Variants in CCT2 observed in about 807,000 individuals in gnomAD.
The protein encoded by CCT2 is chaperonin containing TCP1 subunit 2.
Under a neutral mutation model 61.8 loss-of-function variants are expected in CCT2, and 18 were observed. That is an observed-to-expected ratio of 0.29 (90% CI 0.20 to 0.43). The LOEUF (loss-of-function observed/expected upper bound fraction) is 0.43. Among genes scored for constraint, CCT2 ranks in the 20% least tolerant of loss-of-function variants. The pLI, the probability that CCT2 is intolerant of heterozygous loss-of-function variation, is 1.00. For synonymous variants in CCT2, 248 were observed against 215.9 expected (o/e 1.15, Z -1.30); for missense variants, 556 against 656.9 (o/e 0.85, Z 1.68).
At chr12:69,595,862 C>CAGTGGTTG (rs1320551615) in intron 10 of CCT2, among the ~76,000 whole-genome samples, 43 of 152,210 alleles carry the variant, frequency 2.8e-4, no homozygotes, top group African/African-American at 7.9e-4. Flanking sequence ...CTTAAAAGCT[C>CAGTGGTTG]AGTGGTTGTC....
At chr12:69,591,108 T>A (rs757761790) in intron 7 of CCT2, among the ~76,000 whole-genome samples, 1 of 152,194 alleles carries the variant, frequency 6.6e-6, no homozygotes, top group Non-Finnish European at 1.5e-5. Context: ...TTCTTGAATG[T>A]CTGCTCTGTA....
intron 1 of CCT2, 187 bp downstream of exon 1, chr12:69,585,711 G>C: frequency 6.8e-7 from 1 of 1,480,218 alleles, no homozygotes; most frequent in South Asian, 1.3e-5. Flanking sequence ...ACCACGAGGG[G>C]GAGGGGTGGA....
chr12:69,585,998 T>C, intron 1 of CCT2: 1 of 1,343,674 alleles, frequency 7.4e-7, no homozygotes, highest in Non-Finnish European at 9.5e-7. Context: ...CAAGATCGTC[T>C]TTAGTCTCGC....
chr12:69,587,031 A>C, intron 3 of CCT2: 2 of 435,500 alleles, frequency 4.6e-6, no homozygotes, highest in Non-Finnish European at 8.1e-6. Flanking sequence ...ATTTGCACGT[A>C]CATCTTCTAA....
intron 1 of CCT2, chr12:69,585,997 C>T (rs1881639976): frequency 7.4e-7 from 1 of 1,342,594 alleles, no homozygotes; most frequent in Non-Finnish European, 9.6e-7. Flanking sequence ...TCAAGATCGT[C>T]TTTAGTCTCG....
chr12:69,601,019 G>A (rs898294793), intron 15 of CCT2, among the ~76,000 whole-genome samples: 4 of 152,088 alleles, frequency 2.6e-5, no homozygotes, highest in African/African-American at 9.7e-5. Flanking sequence ...GGCTAGCTCA[G>A]GTCTGTCTTC....
intron 10 of CCT2, among the ~76,000 whole-genome samples, chr12:69,594,847 A>T (rs776213): frequency 1.7e-4 from 11 of 65,492 alleles, no homozygotes; most frequent in African/African-American, 5.6e-5. Flanking sequence ...CCCTGTCTTT[A>T]AAAAAAAAAA....
Position 69,585,507 on chromosome 12 carries a change from G to T in CCT2, c.-15G>T. The stretch of plus-strand genomic sequence containing the variant: ...CTGTGAGGGGATTCACTTGTGTGCG[G>T]AACTCCTCGGAACCATGGTGAGCCT... On this transcript the variant is annotated 5_prime_UTR_variant, in exon 1 of 16. Transcript: ENST00000299300. 4 of 1,566,050 alleles carry T rather than the reference G, an allele frequency of 2.6e-6. No individual in the cohort carries two copies. Among genetic ancestry groups the T allele is most frequent in the Non-Finnish European group, 3.5e-6 (4 of 1,154,398 alleles).
At chr12:69,588,531 A>G (rs1881735394) in intron 6 of CCT2, 2 of 274,942 alleles carry the variant, frequency 7.3e-6, no homozygotes, top group Non-Finnish European at 1.4e-5. Context: ...TTTTTAACCT[A>G]GTTAAATATT....
At chr12:69,593,442 TTTTTAG>T in intron 9 of CCT2, 62 bp from the exon 10 acceptor site, 1 of 1,016,274 alleles carries the variant, frequency 9.8e-7, no homozygotes, top group Non-Finnish European at 1.5e-6. Context: ...GTTTACATGT[TTTTTAG>T]TCTAATGTAG....
chr12:69,601,482 T>A lies in CCT2; in HGVS notation c.*157T>A. 1.3e-6 allele frequency: 2 copies of A among 1,504,722 alleles called. No individual in the cohort carries two copies. The highest frequency in any genetic ancestry group is 1.4e-5 in the African/African-American group (1 of 71,042). 93.2% of individuals were successfully genotyped at this position (1,504,722 alleles called of 1,614,324 possible). ...CCTTCGCTTTAACATAGGTCTAATT[T>A]ATTTGCCGTGTCATTTTCCATACAA... On this transcript the variant is annotated 3_prime_UTR_variant, in exon 16 of 16. Transcript: ENST00000299300.
chr12:69,594,338 C>T (rs1023472241), intron 10 of CCT2, among the ~76,000 whole-genome samples: 4 of 152,098 alleles, frequency 2.6e-5, no homozygotes, highest in African/African-American at 9.7e-5. Context: ...CTTTATTGAA[C>T]ATTTACTGTG....
chr12:69,586,979 TC>T (rs1881683854), intron 3 of CCT2, 161 bp downstream of exon 3: 1 of 505,136 alleles, frequency 2.0e-6, no homozygotes, highest in African/African-American at 2.0e-5. Context: ...AGAATCACCA[TC>T]CCCAATCCCA....
rs529881491 is a variant in CCT2, at chr12:69,592,106, G to C, written c.697G>C (p.Glu233Gln). 21 of 1,601,362 alleles carry C rather than the reference G, an allele frequency of 1.3e-5. No homozygotes were observed. The Admixed American group carries it at 3.2e-4, about 24-fold the overall frequency. Residue 233 changes from glutamate (E) to glutamine (Q), a missense_variant, in exon 8 of 16, where the codon GAA becomes CAA. Around this residue, in one of 3 missense-constraint regions of CCT2, gnomAD observed 308 missense variants for 350.6 expected, o/e 0.88. Coordinates refer to ENST00000299300, the MANE Select transcript of CCT2 (RefSeq NM_006431.3). ...KIGVNQPKRI[E>Q]NAKILIANTG... ...TGGAGTAAATCAACCAAAACGAATT[G>C]AAAATGCTAAAATTCTTATTGCAAA...
intron 7 of CCT2, 178 bp downstream of exon 7, chr12:69,589,865 A>G (rs548308041): frequency 3.4e-6 from 2 of 596,628 alleles, no homozygotes; most frequent in South Asian, 4.1e-5. Flanking sequence ...TTCCCGCGCT[A>G]TTCCAGCATT....
intron 1 of CCT2, chr12:69,585,843 G>C (rs1001295115): frequency 4.6e-6 from 6 of 1,314,690 alleles, no homozygotes; most frequent in Non-Finnish European, 5.8e-6. Flanking sequence ...TTCTAGGGGC[G>C]GAGCCTGGAG....
intron 6 of CCT2, 112 bp downstream of exon 6, chr12:69,588,374 C>T (rs1881729241): frequency 1.4e-6 from 1 of 738,164 alleles, no homozygotes; most frequent in Non-Finnish European, 2.3e-6. Flanking sequence ...ATCTTGCTGC[C>T]TCACCCCACT....
At chr12:69,592,353 C>T in intron 8 of CCT2, 194 bp downstream of exon 8, 1 of 333,530 alleles carries the variant, frequency 3.0e-6, no homozygotes, top group Non-Finnish European at 5.6e-6. Flanking sequence ...CATGGTGGCG[C>T]ATGCCTGTAA....
Position 69,589,552 on chromosome 12 carries a change from C to G in CCT2, c.514C>G (p.Leu172Val), listed in dbSNP as rs776498743. 15 of 1,613,970 alleles carry G rather than the reference C, an allele frequency of 9.3e-6. No homozygotes were observed. Among genetic ancestry groups the G allele is most frequent in the Non-Finnish European group, 1.2e-5 (14 of 1,179,964 alleles). ...IAGTTLSSKL[L>V]THHKDHFTKL... ...GGGCACAACATTATCCTCAAAACTT[C>G]TTACTCATCACAAAGACCACTTTAC... The change falls in exon 7 of 16, where the codon CTT (leucine) becomes GTT (valine). Residue 172 changes from leucine to valine, a missense_variant. By Grantham distance (32) the Leu-to-Val change is conservative. Transcript: ENST00000299300.
Sources: gnomAD v4.1 joint callset for allele counts (sites outside exome capture counted in the v4.1 genomes callset) on GRCh38, gnomAD v4.1.1 for gene constraint, gnomAD v4.1.1 regional missense constraint, MANE v1.5 for transcripts, NCBI Gene and HGNC (gene_info 2026-07-23, HGNC 2026-07-21) for gene names.